ADD2: variants seen among roughly 807,000 people sequenced by gnomAD.
ADD2 encodes the protein beta-adducin.
In ADD2, 23 loss-of-function variants were observed where a neutral mutation model predicts 83.0. The ratio of observed to expected loss-of-function variants is 0.28; its 90% CI spans 0.20 to 0.39. The LOEUF (loss-of-function observed/expected upper bound fraction) is 0.39, where lower values mean the gene tolerates loss of function less well. Ranked by LOEUF, ADD2 falls within the 10% of genes least tolerant of loss-of-function variation. The pLI is 1.00. For synonymous variants in ADD2, 375 were observed against 375.4 expected (o/e 1.00, Z 0.01); for missense variants, 758 against 944.9 (o/e 0.80, Z 2.59).
At chr2:70,680,296 C>T (rs1553369317) in intron 10 of ADD2, among the ~76,000 whole-genome samples, 1 of 152,150 alleles carries the variant, frequency 6.6e-6, no homozygotes, top group Non-Finnish European at 1.5e-5. Flanking sequence ...CTTTCCCTCA[C>T]TGATTTATAA....
At position 70,755,931 on chromosome 2, in the gene ADD2, T is replaced by C. The variant is rs182497743; in HGVS notation, c.-154+11955A>G. On this transcript the variant is annotated intron_variant, in intron 1 of 15. Transcript: ENST00000264436. Reference sequence around the variant, plus strand: ...AAAATCAGCTAGGCATGGTGGCACATGCCTGTAACCCCAGGTACTTGGGAG... The same window carrying C: ...AAAATCAGCTAGGCATGGTGGCACACGCCTGTAACCCCAGGTACTTGGGAG... Among the ~76,000 whole-genome samples, 37 of 152,050 alleles carry C rather than the reference T, an allele frequency of 2.4e-4. 1 individual carries two copies. The highest frequency in any genetic ancestry group is 2.1e-3 in the Admixed American group (32 of 15,268).
intron 1 of ADD2, among the ~76,000 whole-genome samples, chr2:70,729,755 A>ACC (rs1253301165): frequency 1.3e-5 from 2 of 152,128 alleles, no homozygotes; most frequent in Non-Finnish European, 2.9e-5. Flanking sequence ...CTTTCTAAAT[A>ACC]CCCCCTTGGA....
chr2:70,663,824 C>G, intron 15 of ADD2, 89 bp from the exon 16 acceptor site: 1 of 1,376,140 alleles, frequency 7.3e-7, no homozygotes, highest in Non-Finnish European at 9.8e-7. Flanking sequence ...CTAGGGAATT[C>G]TATAAAATCA....
chr2:70,708,037 C>T lies in ADD2; in HGVS notation c.-34-1595G>A, dbSNP rs147647346. 8.5e-5 allele frequency among the ~76,000 whole-genome samples: 13 copies of T among 152,330 alleles called. No homozygotes were observed. The East Asian group carries it at 2.5e-3, about 29-fold the overall frequency. ...TTGCTGATGTCCAGTAGAGCATATT[C>T]TTGTTGTCCCTGAGCTGCCTGTAAC... On this transcript the variant is annotated intron_variant, in intron 2 of 15. Transcript: ENST00000264436.
At chr2:70,675,222 C>T (rs911854163) in intron 13 of ADD2, 2 of 1,010,552 alleles carry the variant, frequency 2.0e-6, no homozygotes, top group South Asian at 4.3e-5. Context: ...AAGCAAGCTT[C>T]ATGCCAGCCA....
At chr2:70,751,487 T>C (rs1275604099) in intron 1 of ADD2, among the ~76,000 whole-genome samples, 1 of 152,178 alleles carries the variant, frequency 6.6e-6, no homozygotes, top group Non-Finnish European at 1.5e-5. Flanking sequence ...TTTTGGAGGG[T>C]TGTGATAGAA....
At chr2:70,720,834 A>T (rs1553377206) in intron 1 of ADD2, among the ~76,000 whole-genome samples, 1 of 152,216 alleles carries the variant, frequency 6.6e-6, no homozygotes, top group African/African-American at 2.4e-5. Flanking sequence ...AAGTAAGCAG[A>T]AATGATGGCA....
intron 1 of ADD2, among the ~76,000 whole-genome samples, chr2:70,739,743 C>T (rs7598126): frequency 0.014 from 2,073 of 152,332 alleles, 39 homozygotes; most frequent in African/African-American, 0.047. Context: ...AGCTGGAGGC[C>T]ATTATCCTTA....
chr2:70,740,382 T>C (rs1673822536), intron 1 of ADD2, among the ~76,000 whole-genome samples: 1 of 152,170 alleles, frequency 6.6e-6, no homozygotes, highest in African/African-American at 2.4e-5. Context: ...GAAACCTGAA[T>C]CGGTTGACTA....
chr2:70,729,195 A>C (rs1367427945), intron 1 of ADD2, among the ~76,000 whole-genome samples: 2 of 152,214 alleles, frequency 1.3e-5, no homozygotes, highest in Non-Finnish European at 2.9e-5. Flanking sequence ...CACTGTCTCA[A>C]GAAATACCTC....
rs535622443 is a variant in ADD2, at chr2:70,690,832, T to C, written c.803A>G (p.Glu268Gly). The C allele has an allele frequency of 6.8e-6, 11 of 1,614,174 alleles. No individual in the cohort carries two copies. The African/African-American group carries it at 1.5e-4, about 22-fold the overall frequency. The change falls in exon 8 of 16, where the codon GAA becomes GGA. Residue 268 changes from glutamate to glycine, a missense_variant. By Grantham distance (98) the Glu-to-Gly change is moderately conservative. This residue lies in a region of ADD2 where 394 missense variants were observed against 509.3 expected (regional missense o/e 0.77). Transcript: ENST00000264436. ...CTTCTGCAGGTTGATCCGATCGGCTTCCTGCTCCATTTCCCCATTGAAGTC... is the reference window on the plus strand; with the variant it reads ...CTTCTGCAGGTTGATCCGATCGGCTCCCTGCTCCATTTCCCCATTGAAGTC... ...YYDFNGEMEQ[E>G]ADRINLQKCL... is the part of the protein sequence containing the mutation.
chr2:70,675,451 G>C, intron 13 of ADD2: 1 of 985,458 alleles, frequency 1.0e-6, no homozygotes, highest in Non-Finnish European at 1.2e-6. Flanking sequence ...CAAAATCACT[G>C]GGTTTTGCCA....
rs114882310 is a variant in ADD2 at position 70,692,225 on chromosome 2, T to C, written c.705+178A>G. The stretch of plus-strand genomic sequence containing the variant: ...GAACAGACATTCCATGTCTTCACGT[T>C]ATGCTATGACTTCAGTAGTCAGAAA... On this transcript the variant is annotated intron_variant, in intron 7 of 15. Coordinates refer to ENST00000264436, the MANE Select transcript of ADD2 (RefSeq NM_001617.4). 1.3e-3 allele frequency among the ~76,000 whole-genome samples: 192 copies of C among 152,344 alleles called. 1 individual carries two copies. The highest frequency in any genetic ancestry group is 2.3e-3 in the Non-Finnish European group (156 of 68,032).
chr2:70,751,623 T>C (rs1674509429), intron 1 of ADD2, among the ~76,000 whole-genome samples: 1 of 152,202 alleles, frequency 6.6e-6, no homozygotes, highest in Admixed American at 6.5e-5. Context: ...TTACTAAAGA[T>C]TTCCTTTACA....
intron 2 of ADD2, among the ~76,000 whole-genome samples, chr2:70,707,275 C>G (rs1457766504): frequency 6.6e-6 from 1 of 152,206 alleles, no homozygotes; most frequent in Non-Finnish European, 1.5e-5. Context: ...TCTCTCCAAT[C>G]CCATTCAACT....
At chr2:70,758,627 G>A (rs115200665) in intron 1 of ADD2, among the ~76,000 whole-genome samples, 3,042 of 152,172 alleles carry the variant, frequency 0.02, 48 homozygotes, top group Middle Eastern at 0.031. Flanking sequence ...GTGAGACCTC[G>A]TCTCTACCAG....
At chr2:70,664,007 T>C (rs1050121098) in intron 15 of ADD2, among the ~76,000 whole-genome samples, 3 of 152,050 alleles carry the variant, frequency 2.0e-5, no homozygotes, top group Non-Finnish European at 4.4e-5. Context: ...ATGTCTGAAG[T>C]GGCAGGAGGC....
Position 70,660,658 on chromosome 2 carries a change from C to G in ADD2, c.*2767G>C, listed in dbSNP as rs1340066656. On this transcript the variant is annotated 3_prime_UTR_variant, in exon 16 of 16. Coordinates refer to ENST00000264436, the MANE Select transcript of ADD2 (RefSeq NM_001617.4). Reference sequence around the variant, plus strand: ...ATGAAGGGACCCCTCAACCCCTGAGCTTCCACATCATGCTCTGGCAATGCC... The same window carrying G: ...ATGAAGGGACCCCTCAACCCCTGAGGTTCCACATCATGCTCTGGCAATGCC... 1 of 152,286 alleles carries G rather than the reference C, an allele frequency of 6.6e-6. No homozygotes were observed. Among genetic ancestry groups the G allele is most frequent in the African/African-American group, 2.4e-5 (1 of 41,454 alleles). The allele number at this position is 152,286 out of a possible 1,614,324, so 9.4% of individuals were successfully genotyped here.
chr2:70,768,107 G>T lies in ADD2; in HGVS notation c.-375C>A. ...GGGATGACTGGCCACCGACGCCGCA[G>T]TTCCTTGACAAAAGGCTCGGGTTCC... On this transcript the variant is annotated 5_prime_UTR_variant, in exon 1 of 16. In the 5' UTR this introduces an upstream ATG that the reference lacks. Transcript: ENST00000264436. 1 of 799,858 alleles carries T rather than the reference G, an allele frequency of 1.3e-6. No individual in the cohort carries two copies. 49.5% of individuals were successfully genotyped at this position (799,858 alleles called of 1,614,324 possible).
Sources: allele counts gnomAD v4.1 joint callset (sites outside exome capture counted in the v4.1 genomes callset), GRCh38; gene constraint gnomAD v4.1.1; regional missense constraint gnomAD v4.1.1; transcripts MANE v1.5; gene names NCBI Gene and HGNC (gene_info 2026-07-23, HGNC 2026-07-21).